Variants in SVIL observed in about 807,000 individuals in gnomAD.
SVIL encodes archvillin.
In SVIL, 101 loss-of-function variants were observed where a neutral mutation model predicts 240.4. The ratio of observed to expected loss-of-function variants is 0.42; its 90% CI spans 0.36 to 0.50. The LOEUF (loss-of-function observed/expected upper bound fraction) is 0.50, where lower values mean the gene tolerates loss of function less well. Ranked by LOEUF, SVIL falls within the 20% of genes least tolerant of loss-of-function variation. The probability of loss-of-function intolerance (pLI) is 0.01; values close to 1 mark genes in which losing one functional copy is unlikely to be tolerated. For synonymous variants in SVIL, 999 were observed against 1,100.0 expected (o/e 0.91, Z 1.82); for missense variants, 2,512 against 2,818.7 (o/e 0.89, Z 2.46).
At chr10:29,628,679 C>T (rs1957968609) in intron 1 of SVIL, among the ~76,000 whole-genome samples, 1 of 152,178 alleles carries the variant, frequency 6.6e-6, no homozygotes, top group Non-Finnish European at 1.5e-5. Flanking sequence ...TCTCACACAG[C>T]TAATTGGGAG....
In SVIL at chr10:29,470,270, A is replaced by G. The variant is rs773389965; in HGVS notation, c.5843+6T>C. On this transcript the variant is annotated splice_donor_region_variant and intron_variant, in intron 32 of 37. Coordinates refer to ENST00000355867, the MANE Select transcript of SVIL (RefSeq NM_021738.3). Reference sequence around the variant, plus strand: ...TGGGGGGACTCGCCGCAGACACAACACTCACTGTTCCTTGATCTTGTTCGC... The same window carrying G: ...TGGGGGGACTCGCCGCAGACACAACGCTCACTGTTCCTTGATCTTGTTCGC... 6.2e-7 allele frequency: 1 copy of G among 1,613,698 alleles called. No individual in the cohort carries two copies. Among genetic ancestry groups the G allele is most frequent in the East Asian group, 2.2e-5 (1 of 44,852 alleles).
At chr10:29,646,779 T>C (rs751310190) in intron 3 of SVIL, among the ~76,000 whole-genome samples, 3 of 152,102 alleles carry the variant, frequency 2.0e-5, no homozygotes, top group Non-Finnish European at 4.4e-5. Flanking sequence ...AAACCTAACA[T>C]GGGAACCCAC....
At position 29,724,181 on chromosome 10, in the gene SVIL, C is replaced by CTTT. The variant is rs386371080; in HGVS notation, c.-400+11567_-400+11569dup. On this transcript the variant is annotated intron_variant, in intron 1 of 35. Coordinates refer to the SVIL transcript ENST00000375400. ...TTCTTCTGAGTTTTTTGTTTTCTCTCTTTTTTTTTTTTTCAAGAAGCCTAA... is the reference window on the plus strand; with the variant it reads ...TTCTTCTGAGTTTTTTGTTTTCTCTCTTTTTTTTTTTTTTTTCAAGAAGCCTAA... 4.9e-3 allele frequency among the ~76,000 whole-genome samples: 712 copies of CTTT among 144,478 alleles called. 13 individuals carry two copies. The highest frequency in any genetic ancestry group is 0.013 in the African/African-American group (526 of 39,162). The allele number at this position is 144,478 out of a possible 152,430, so 94.8% of individuals were successfully genotyped here. A position where few individuals can be genotyped will look rare whatever the true frequency, so the allele number is the denominator to read the frequency against.
At chr10:29,474,558 G>A (rs2132324899) in intron 29 of SVIL, among the ~76,000 whole-genome samples, 1 of 151,890 alleles carries the variant, frequency 6.6e-6, no homozygotes, top group South Asian at 2.1e-4. Context: ...TTGTGTCACT[G>A]CACTCCAGCC....
intron 1 of SVIL, among the ~76,000 whole-genome samples, chr10:29,696,096 C>T (rs1017193172): frequency 3.6e-4 from 54 of 151,796 alleles, no homozygotes; most frequent in African/African-American, 1.2e-3. Flanking sequence ...CGATTGCAGG[C>T]GCGCGCCGCC....
chr10:29,664,869 T>C (rs1959201427), intron 2 of SVIL, among the ~76,000 whole-genome samples: 1 of 152,076 alleles, frequency 6.6e-6, no homozygotes, highest in Admixed American at 6.6e-5. Context: ...CCTGAAGAAG[T>C]TTGCAAATCA....
chr10:29,558,968 A>G (rs1352025850), intron 3 of SVIL, among the ~76,000 whole-genome samples: 1 of 148,448 alleles, frequency 6.7e-6, no homozygotes, highest in African/African-American at 2.4e-5. Flanking sequence ...TTTATATTAT[A>G]TATTTTATAT....
chr10:29,553,300 C>G (rs781325920), intron 5 of SVIL, among the ~76,000 whole-genome samples: 3 of 152,120 alleles, frequency 2.0e-5, no homozygotes, highest in Non-Finnish European at 4.4e-5. Flanking sequence ...GCAGCATGGC[C>G]GGGCACAGTG....
At chr10:29,619,890 A>AT (rs563532918) in intron 1 of SVIL, among the ~76,000 whole-genome samples, 71 of 152,168 alleles carry the variant, frequency 4.7e-4, no homozygotes, top group African/African-American at 1.6e-3. Flanking sequence ...TTAAATGTGG[A>AT]TTTTTTTGGA....
intron 3 of SVIL, among the ~76,000 whole-genome samples, chr10:29,651,647 T>TCTCG (rs1163949574): frequency 6.6e-6 from 1 of 151,900 alleles, no homozygotes; most frequent in Non-Finnish European, 1.5e-5. Flanking sequence ...TCTCTCTCTC[T>TCTCG]CTGTTTTCAT....
chr10:29,692,262 G>T (rs1961565600), intron 1 of SVIL, among the ~76,000 whole-genome samples: 1 of 152,184 alleles, frequency 6.6e-6, no homozygotes, highest in Non-Finnish European at 1.5e-5. Context: ...AACCATATGA[G>T]ACGATGTGAT....
At chr10:29,546,109 C>A (rs1258707370) in intron 6 of SVIL, among the ~76,000 whole-genome samples, 5 of 152,048 alleles carry the variant, frequency 3.3e-5, no homozygotes, top group Admixed American at 6.6e-5. Context: ...GCTTTGGATT[C>A]GGAATTTCTA....
At chr10:29,469,855 C>T (rs1478515253) in intron 32 of SVIL, among the ~76,000 whole-genome samples, 4 of 152,236 alleles carry the variant, frequency 2.6e-5, no homozygotes, top group African/African-American at 7.2e-5. Context: ...ACACAGATGG[C>T]GGTTTCCCAC....
intron 17 of SVIL, chr10:29,508,648 T>C: frequency 2.9e-6 from 1 of 341,116 alleles, no homozygotes; most frequent in Non-Finnish European, 5.8e-6. Context: ...TCCTGCACTA[T>C]GATCTGGAAT....
chr10:29,691,373 G>A lies in SVIL; in HGVS notation c.-399-4722C>T, dbSNP rs11816332. ...ACTACAGGCGCCCACCACCACGCCCGGCTAATTTTTTGTATTTTTAGTAGA... is the reference window on the plus strand; with the variant it reads ...ACTACAGGCGCCCACCACCACGCCCAGCTAATTTTTTGTATTTTTAGTAGA... On this transcript the variant is annotated intron_variant, in intron 1 of 35. Coordinates refer to the SVIL transcript ENST00000375400. Among the ~76,000 whole-genome samples the A allele has an allele frequency of 8.4e-3, 1,273 of 151,898 alleles. 21 individuals are homozygous for A. The highest frequency in any genetic ancestry group is 0.029 in the African/African-American group (1,218 of 41,430).
At chr10:29,625,866 C>CTGTTT (rs1445238033) in intron 1 of SVIL, among the ~76,000 whole-genome samples, 1 of 152,170 alleles carries the variant, frequency 6.6e-6, no homozygotes, top group Non-Finnish European at 1.5e-5. Flanking sequence ...GATACAAAGC[C>CTGTTT]TTACAAGTGT....
At chr10:29,597,696 G>C (rs142757849) in intron 1 of SVIL, among the ~76,000 whole-genome samples, 216 of 152,196 alleles carry the variant, frequency 1.4e-3, no homozygotes, top group African/African-American at 5.0e-3. Context: ...CACCACGCCA[G>C]GCCTAAAACC....
chr10:29,651,823 C>T (rs1173128319), intron 3 of SVIL, among the ~76,000 whole-genome samples: 1 of 151,934 alleles, frequency 6.6e-6, no homozygotes, highest in East Asian at 1.9e-4. Flanking sequence ...CAAAGCTGGC[C>T]CTCTCCATAA....
At chr10:29,662,042 A>C (rs1490593311) in intron 2 of SVIL, among the ~76,000 whole-genome samples, 2 of 152,102 alleles carry the variant, frequency 1.3e-5, no homozygotes, top group African/African-American at 4.8e-5. Context: ...GCAGCAACTT[A>C]TCCCTCTTCA....
Sources: gnomAD v4.1 joint callset for allele counts (sites outside exome capture counted in the v4.1 genomes callset) on GRCh38, gnomAD v4.1.1 for gene constraint, MANE v1.5 for transcripts, NCBI Gene and HGNC (gene_info 2026-07-23, HGNC 2026-07-21) for gene names.